TTC34: variants seen among roughly 807,000 people sequenced by gnomAD.
TTC34 encodes tetratricopeptide repeat protein 34.
Under a neutral mutation model 40.7 loss-of-function variants are expected in TTC34, and 44 were observed. The observed-to-expected ratio is 1.08, with a 90% CI of 0.85 to 1.39. TTC34 has a LOEUF of 1.39. Ranked by LOEUF, TTC34 falls within the 40% of genes most tolerant of loss-of-function variation. TTC34 has a pLI of 0.00. For missense variants in TTC34, 884 were observed against 838.0 expected, an observed-to-expected ratio of 1.05 and a Z score of -0.68; for synonymous variants, 422 against 398.6, an observed-to-expected ratio of 1.06 and a Z score of -0.70.
chr1:2,699,532 AT>A (rs1641031347), intron 6 of TTC34, among the ~76,000 whole-genome samples: 7 of 133,156 alleles, frequency 5.3e-5, no homozygotes, highest in African/African-American at 7.9e-5. Flanking sequence ...CACCACCCAC[AT>A]CCCCAGGTGA....
At chr1:2,778,483 C>T (rs1643391106) in intron 6 of TTC34, among the ~76,000 whole-genome samples, 1 of 152,228 alleles carries the variant, frequency 6.6e-6, no homozygotes, top group African/African-American at 2.4e-5. Context: ...ACAGCTCAGG[C>T]TAGTACCCAA....
intron 6 of TTC34, among the ~76,000 whole-genome samples, chr1:2,780,932 T>A (rs919443744): frequency 6.6e-6 from 1 of 152,246 alleles, no homozygotes; most frequent in African/African-American, 2.4e-5. Flanking sequence ...TTTAATTTAT[T>A]TCAGCAATGT....
chr1:2,789,701 A>G (rs1643640005), exon 3 of TTC34: 1 of 1,154,576 alleles, frequency 8.7e-7, no homozygotes, highest in Non-Finnish European at 1.1e-6. Flanking sequence ...GCAGGCGGTG[A>G]CATAGTCCAG....
At chr1:2,800,904 C>G (rs1183704663) in intron 1 of TTC34, 36 bp from the exon 2 acceptor site, 2 of 398,738 alleles carry the variant, frequency 5.0e-6, no homozygotes, top group East Asian at 7.1e-5. Context: ...CCACAGAGGG[C>G]GGCCAGTTCT....
At chr1:2,799,718 G>A (rs1316361378) in intron 2 of TTC34, among the ~76,000 whole-genome samples, 1 of 152,120 alleles carries the variant, frequency 6.6e-6, no homozygotes, top group Non-Finnish European at 1.5e-5. Context: ...CAGTGGCAGG[G>A]GGAGCCCAAG....
intron 6 of TTC34, among the ~76,000 whole-genome samples, chr1:2,647,158 G>A: frequency 6.6e-6 from 1 of 151,336 alleles, no homozygotes; most frequent in East Asian, 1.9e-4. Context: ...TTTCCTCTTG[G>A]GATTTGTTGA....
intron 6 of TTC34, among the ~76,000 whole-genome samples, chr1:2,757,592 GC>G (rs2100451672): frequency 1.3e-5 from 1 of 79,164 alleles, no homozygotes; most frequent in South Asian, 4.6e-4. Context: ...CACCCACATC[GC>G]CAGGCGAGCA....
At chr1:2,772,959 C>T in intron 6 of TTC34, among the ~76,000 whole-genome samples, 1 of 142,250 alleles carries the variant, frequency 7.0e-6, no homozygotes, top group South Asian at 2.3e-4. Context: ...CATCTGACAG[C>T]CTGGAGCAGC....
At chr1:2,646,604 T>C (rs962645368) in intron 6 of TTC34, among the ~76,000 whole-genome samples, 1 of 152,226 alleles carries the variant, frequency 6.6e-6, no homozygotes, top group Non-Finnish European at 1.5e-5. Context: ...CAGGCTGGTA[T>C]GGAACTTCTG....
At chr1:2,642,619 GCTC>G (rs1158642001) in intron 8 of TTC34, among the ~76,000 whole-genome samples, 1 of 152,248 alleles carries the variant, frequency 6.6e-6, no homozygotes, top group Admixed American at 6.5e-5. Flanking sequence ...GCCTCGCTGG[GCTC>G]CTCCTCCGCT....
intron 6 of TTC34, among the ~76,000 whole-genome samples, chr1:2,687,457 C>G (rs1208718226): frequency 6.8e-6 from 1 of 147,888 alleles, no homozygotes; most frequent in South Asian, 2.1e-4. Flanking sequence ...CACAGGTGAG[C>G]ATCCGACAGC....
Position 2,691,734 on chromosome 1 carries a change from G to A in TTC34, c.2227-46171C>T, listed in dbSNP as rs1484718223. Among the ~76,000 whole-genome samples, 2 of 100,406 alleles carry A rather than the reference G, an allele frequency of 2.0e-5. 1 individual carries two copies. Among genetic ancestry groups the A allele is most frequent in the Admixed American group, 2.1e-4 (2 of 9,424 alleles). 65.9% of individuals were successfully genotyped at this position (100,406 alleles called of 152,430 possible). A position where few individuals can be genotyped will look rare whatever the true frequency, so the allele number is the denominator to read the frequency against. On this transcript the variant is annotated intron_variant, in intron 6 of 8. Coordinates refer to ENST00000401095, the Ensembl canonical transcript of TTC34. ...GGTGAGCATTGGACAGCCTGGAGCA[G>A]CACCCACATTCCCAGGCAAGCATCT...
In TTC34 at chr1:2,755,539, A is replaced by C. The variant is rs1436549387; in HGVS notation, c.2226+28070T>G. Reference sequence around the variant, plus strand: ...CATCTGACAGCCTGGAACAGTACCCACACCCACAGGCGAGCATCTGAAACC... The same window carrying C: ...CATCTGACAGCCTGGAACAGTACCCCCACCCACAGGCGAGCATCTGAAACC... On this transcript the variant is annotated intron_variant, in intron 6 of 8. Transcript: ENST00000401095. 2.0e-5 allele frequency among the ~76,000 whole-genome samples: 2 copies of C among 101,080 alleles called. 1 individual carries two copies. Among genetic ancestry groups the C allele is most frequent in the Non-Finnish European group, 3.7e-5 (2 of 54,490 alleles). 66.3% of individuals were successfully genotyped at this position (101,080 alleles called of 152,430 possible). A position where few individuals can be genotyped will look rare whatever the true frequency, so the allele number is the denominator to read the frequency against.
intron 6 of TTC34, among the ~76,000 whole-genome samples, chr1:2,782,719 C>T (rs535454399): frequency 1.7e-4 from 26 of 152,270 alleles, no homozygotes; most frequent in South Asian, 4.1e-4. Flanking sequence ...TCTAACTTCT[C>T]GAAGTGTGAT....
intron 6 of TTC34, among the ~76,000 whole-genome samples, chr1:2,688,167 C>A (rs200567094): frequency 0.05 from 2,582 of 51,508 alleles, 1 homozygote; most frequent in African/African-American, 0.13. Context: ...GGCACCCACA[C>A]CCCCAGGCGA....
At chr1:2,794,239 T>G (rs1429149411) in intron 2 of TTC34, among the ~76,000 whole-genome samples, 1 of 152,202 alleles carries the variant, frequency 6.6e-6, no homozygotes, top group Admixed American at 6.5e-5. Context: ...ACTTCTGAGC[T>G]CAAGGGTTCC....
intron 6 of TTC34, among the ~76,000 whole-genome samples, chr1:2,699,576 C>T (rs940188870): frequency 8.6e-6 from 1 of 116,674 alleles, no homozygotes; most frequent in African/African-American, 2.8e-5. Flanking sequence ...ACCCACACCC[C>T]CAGGTGAGCA....
intron 6 of TTC34, chr1:2,775,521 G>T (rs1322224426): frequency 1.4e-5 from 2 of 147,458 alleles, no homozygotes; most frequent in Non-Finnish European, 1.5e-5. Flanking sequence ...ACCACCAGAT[G>T]AGCATCTGAC....
chr1:2,762,160 A>T lies in TTC34; in HGVS notation c.2226+21449T>A, dbSNP rs1163148478. On this transcript the variant is annotated intron_variant, in intron 6 of 8. Coordinates refer to ENST00000401095, the Ensembl canonical transcript of TTC34. ...AGGCGAGCATCTGACAGCCTGGAGC[A>T]GCGCCCACACCCCCAGGTGAGCATG... is the stretch of plus-strand genomic sequence containing the variant. Among the ~76,000 whole-genome samples the T allele has an allele frequency of 3.9e-4, 23 of 59,296 alleles. 1 individual carries two copies. The highest frequency in any genetic ancestry group is 6.0e-4 in the Non-Finnish European group (21 of 34,738). 38.9% of individuals were successfully genotyped at this position (59,296 alleles called of 152,430 possible).
Sources: allele counts gnomAD v4.1 joint callset (sites outside exome capture counted in the v4.1 genomes callset), GRCh38; gene constraint gnomAD v4.1.1; transcripts MANE v1.5; gene names NCBI Gene and HGNC (gene_info 2026-07-23, HGNC 2026-07-21).